The following PTPRM variants were observed in gnomAD, a reference collection of about 807,000 sequenced individuals.
The protein encoded by PTPRM is protein tyrosine phosphatase receptor type M.
A neutral mutation model predicts 186.7 loss-of-function variants in PTPRM; 47 were observed. The observed-to-expected ratio is 0.25, with a 90% CI of 0.20 to 0.32. The LOEUF is 0.32. PTPRM is among the 10% of genes least tolerant of loss of function. PTPRM has a pLI of 1.00. For missense variants in PTPRM, 1,494 were observed against 1,865.0 expected, an observed-to-expected ratio of 0.80 and a Z score of 3.66; for synonymous variants, 668 against 674.9, an observed-to-expected ratio of 0.99 and a Z score of 0.16.
chr18:8,290,520 G>A lies in PTPRM; in HGVS notation c.2755-5848G>A, dbSNP rs151110512. The stretch of plus-strand genomic sequence containing the variant: ...ATTATATCCTGTGGAAAATGGTGGC[G>A]GTATGAGGGGTGGGGAAGGAGGTTA... On this transcript the variant is annotated intron_variant, in intron 19 of 32. Transcript: ENST00000580170. 1.3e-3 allele frequency among the ~76,000 whole-genome samples: 198 copies of A among 152,114 alleles called. 1 individual carries two copies. The highest frequency in any genetic ancestry group is 4.5e-3 in the African/African-American group (187 of 41,486).
chr18:8,003,772 T>C (rs983690189), intron 7 of PTPRM, among the ~76,000 whole-genome samples: 4 of 152,264 alleles, frequency 2.6e-5, no homozygotes, highest in Non-Finnish European at 5.9e-5. Context: ...CTTCATTTAA[T>C]GCACATTTGA....
chr18:8,314,678 G>A (rs2095295234), intron 20 of PTPRM, 103 bp from the exon 21 acceptor site: 1 of 696,226 alleles, frequency 1.4e-6, no homozygotes, highest in African/African-American at 1.8e-5. Context: ...AAAGCAGAGT[G>A]TCTGTGGGTG....
intron 14 of PTPRM, among the ~76,000 whole-genome samples, chr18:8,144,654 G>A (rs1038294202): frequency 2.6e-5 from 4 of 152,092 alleles, no homozygotes; most frequent in Non-Finnish European, 5.9e-5. Flanking sequence ...ATAGTCTGGG[G>A]GAGAGAAAAA....
intron 7 of PTPRM, among the ~76,000 whole-genome samples, chr18:7,982,326 A>G (rs1435823683): frequency 6.7e-6 from 1 of 148,212 alleles, no homozygotes; most frequent in Admixed American, 6.8e-5. Context: ...TTTGATACCT[A>G]AAACACAAAC....
Position 7,707,670 on chromosome 18 carries a change from A to G in PTPRM, c.74-66479A>G, listed in dbSNP as rs148281164. ...ATAAATAATGAATACATAAATATCTACTGTCTCATACTTTATAAGATATGT... is the reference window on the plus strand; with the variant it reads ...ATAAATAATGAATACATAAATATCTGCTGTCTCATACTTTATAAGATATGT... On this transcript the variant is annotated intron_variant, in intron 1 of 32. Transcript: ENST00000580170. Among the ~76,000 whole-genome samples, 425 of 152,140 alleles carry G rather than the reference A, an allele frequency of 2.8e-3. 2 individuals are homozygous for G. Among genetic ancestry groups the G allele is most frequent in the Non-Finnish European group, 2.3e-3 (156 of 67,996 alleles).
At chr18:7,853,655 C>T (rs1003285035) in intron 2 of PTPRM, among the ~76,000 whole-genome samples, 1 of 152,174 alleles carries the variant, frequency 6.6e-6, no homozygotes, top group African/African-American at 2.4e-5. Flanking sequence ...TTAAGAGCAT[C>T]TCCATTGATT....
intron 3 of PTPRM, among the ~76,000 whole-genome samples, chr18:7,897,150 C>A (rs116540505): frequency 6.6e-6 from 1 of 152,148 alleles, no homozygotes; most frequent in Non-Finnish European, 1.5e-5. Context: ...AGAACTGCTT[C>A]GTTCTGCAGG....
intron 14 of PTPRM, among the ~76,000 whole-genome samples, chr18:8,242,132 G>A (rs7506646): frequency 0.14 from 20,615 of 152,054 alleles, 1,692 homozygotes; most frequent in Non-Finnish European, 0.18. Flanking sequence ...GCAAGAAAAG[G>A]CAAAGAGGAA....
At chr18:7,773,570 G>GTTTTTTTTTTTTTTTTTTT (rs10708698) in intron 1 of PTPRM, among the ~76,000 whole-genome samples, 4 of 129,094 alleles carry the variant, frequency 3.1e-5, no homozygotes, top group Non-Finnish European at 6.6e-5. Flanking sequence ...TCTTTTCTTT[G>GTTTTTTTTTTTTTTTTTTT]TTTTTTTTTT....
intron 7 of PTPRM, among the ~76,000 whole-genome samples, chr18:8,031,110 G>A (rs1185938702): frequency 6.6e-6 from 1 of 152,088 alleles, no homozygotes; most frequent in Non-Finnish European, 1.5e-5. Flanking sequence ...ATTTATTTTT[G>A]TCTTTGCAAT....
intron 31 of PTPRM, among the ~76,000 whole-genome samples, chr18:8,390,231 GACTGCC>G (rs1405319150): frequency 6.6e-6 from 1 of 152,228 alleles, no homozygotes; most frequent in East Asian, 1.9e-4. Context: ...GGGTGGGGAA[GACTGCC>G]TGGACACGTT....
chr18:8,049,773 G>A (rs934608014), intron 7 of PTPRM, among the ~76,000 whole-genome samples: 4 of 150,860 alleles, frequency 2.7e-5, no homozygotes, highest in East Asian at 1.9e-4. Flanking sequence ...GTGCAGTGGC[G>A]CAGTCTCAGC....
chr18:8,398,644 C>T (rs1003004796), intron 32 of PTPRM, among the ~76,000 whole-genome samples: 1 of 151,928 alleles, frequency 6.6e-6, no homozygotes, highest in Admixed American at 6.6e-5. Context: ...GTGGCAGGCA[C>T]CTGTAATCCC....
intron 3 of PTPRM, among the ~76,000 whole-genome samples, chr18:7,895,777 A>C (rs1490185058): frequency 6.6e-6 from 1 of 152,230 alleles, no homozygotes; most frequent in African/African-American, 2.4e-5. Context: ...CAATCTAGAC[A>C]CAAGTGTCCT....
At chr18:8,342,781 TC>T (rs2095482272) in intron 22 of PTPRM, among the ~76,000 whole-genome samples, 1 of 152,184 alleles carries the variant, frequency 6.6e-6, no homozygotes, top group Non-Finnish European at 1.5e-5. Context: ...TATATATTTT[TC>T]CAGCCATAGG....
At chr18:8,311,181 T>C (rs1241212647) in intron 20 of PTPRM, among the ~76,000 whole-genome samples, 1 of 151,980 alleles carries the variant, frequency 6.6e-6, no homozygotes, top group East Asian at 1.9e-4. Context: ...TGGAGGTGTG[T>C]GCCTGTAATC....
chr18:8,235,476 T>TTTTTTTTTTTTG (rs1481569126), intron 14 of PTPRM, among the ~76,000 whole-genome samples: 8 of 136,770 alleles, frequency 5.8e-5, no homozygotes, highest in East Asian at 4.1e-4. Flanking sequence ...TTTTTTTTTT[T>TTTTTTTTTTTTG]TTTAGCCTGG....
At chr18:8,331,846 A>G (rs1474791309) in intron 22 of PTPRM, among the ~76,000 whole-genome samples, 2 of 152,248 alleles carry the variant, frequency 1.3e-5, no homozygotes, top group Non-Finnish European at 2.9e-5. Context: ...CTGGAAAAGC[A>G]TATTTTCCTT....
At chr18:7,827,763 G>A (rs560988433) in intron 2 of PTPRM, among the ~76,000 whole-genome samples, 7 of 152,308 alleles carry the variant, frequency 4.6e-5, no homozygotes, top group African/African-American at 7.2e-5. Context: ...ATGTGAGCAC[G>A]TGTGCCCATG....
Sources: allele counts gnomAD v4.1 joint callset (sites outside exome capture counted in the v4.1 genomes callset), GRCh38; gene constraint gnomAD v4.1.1; transcripts MANE v1.5; gene names NCBI Gene and HGNC (gene_info 2026-07-23, HGNC 2026-07-21).